Variants in SVIL observed in about 807,000 individuals in gnomAD.
SVIL encodes the protein archvillin.
A neutral mutation model predicts 240.4 loss-of-function variants in SVIL; 101 were observed. The ratio of observed to expected loss-of-function variants is 0.42; its 90% confidence interval spans 0.36 to 0.50. SVIL has a LOEUF of 0.50. Ranked by LOEUF, SVIL falls within the 20% of genes least tolerant of loss-of-function variation. The pLI, the probability that SVIL is intolerant of heterozygous loss-of-function variation, is 0.01. For synonymous variants in SVIL, 999 were observed against 1,100.0 expected, an observed-to-expected ratio of 0.91 and a Z score of 1.82; for missense variants, 2,512 against 2,818.7, an observed-to-expected ratio of 0.89 and a Z score of 2.46.
chr10:29,625,479 T>G (rs1052032272), intron 1 of SVIL, among the ~76,000 whole-genome samples: 5 of 152,180 alleles, frequency 3.3e-5, no homozygotes, highest in African/African-American at 1.2e-4. Context: ...TTTCCTTTTT[T>G]TTGAGACGGA....
intron 1 of SVIL, among the ~76,000 whole-genome samples, chr10:29,572,432 G>A (rs528038484): frequency 6.6e-6 from 1 of 152,258 alleles, no homozygotes; most frequent in Admixed American, 6.5e-5. Context: ...GGGAGGAGAA[G>A]AGGAAGGAGA....
At chr10:29,535,120 A>AT (rs1300874627) in intron 7 of SVIL, among the ~76,000 whole-genome samples, 6 of 151,874 alleles carry the variant, frequency 4.0e-5, no homozygotes, top group South Asian at 2.1e-4. Context: ...ACTCCTATAT[A>AT]TTTTTTTTAA....
chr10:29,640,159 A>G (rs1431003537), intron 3 of SVIL, among the ~76,000 whole-genome samples: 1 of 151,902 alleles, frequency 6.6e-6, no homozygotes, highest in Non-Finnish European at 1.5e-5. Context: ...CCCCAGCCCC[A>G]TGTGCTTCCC....
intron 1 of SVIL, among the ~76,000 whole-genome samples, chr10:29,606,409 C>A (rs1957023998): frequency 6.6e-6 from 1 of 152,166 alleles, no homozygotes; most frequent in Non-Finnish European, 1.5e-5. Context: ...AATAAACTGG[C>A]ATATACCCCC....
intron 32 of SVIL, 21 bp downstream of exon 32, chr10:29,470,255 C>T (rs376745720): frequency 1.3e-4 from 212 of 1,613,746 alleles, no homozygotes; most frequent in African/African-American, 3.3e-4. Context: ...TGGGGGGACT[C>T]GCCGCAGACA....
At position 29,458,601 on chromosome 10, in the gene SVIL, G is replaced by A. The variant is rs767193520; in HGVS notation, c.6403-12C>T. On this transcript the variant is annotated splice_polypyrimidine_tract_variant and intron_variant, in intron 36 of 37. Coordinates refer to ENST00000355867, the MANE Select transcript of SVIL (RefSeq NM_021738.3). Reference sequence around the variant, plus strand: ...GAAACTTCCGTGTCCTAGAGAAGAGGAGGGGGCAGAGAGGAGAGCTCGTGT... The same window carrying A: ...GAAACTTCCGTGTCCTAGAGAAGAGAAGGGGGCAGAGAGGAGAGCTCGTGT... 2.5e-6 allele frequency: 4 copies of A among 1,611,138 alleles called. No individual in the cohort carries two copies. The African/African-American group carries it at 5.4e-5, about 22-fold the overall frequency.
chr10:29,530,780 C>T (rs561823399), intron 10 of SVIL, 112 bp from the exon 11 acceptor site: 3 of 1,149,602 alleles, frequency 2.6e-6, no homozygotes, highest in Non-Finnish European at 3.9e-6. Context: ...AATAGGTGCA[C>T]TAAAATAATA....
At position 29,533,171 on chromosome 10, in the gene SVIL, T is replaced by G; in HGVS notation, c.1196A>C (p.Gln399Pro). The change falls in exon 8 of 38, where the codon CAG (glutamine) becomes CCG (proline). Residue 399 changes from glutamine (Q) to proline (P), a missense_variant. Physicochemically the swap from Gln to Pro is moderately conservative, Grantham distance 76 (BLOSUM62 -1). Around this residue, in one of 3 missense-constraint regions of SVIL, gnomAD observed 1,443 missense variants for 1,486.6 expected, o/e 0.97. Coordinates refer to ENST00000355867, the MANE Select transcript of SVIL (RefSeq NM_021738.3). ...CAAGCTGGGAGGTTTGGGGACATTC[T>G]GGGTGGCTGATGCTACCCAGCTACA... is the stretch of plus-strand genomic sequence containing the variant. ...SECSWVASATQNVPKPPSLTV... is the reference protein window; with the variant it reads ...SECSWVASATPNVPKPPSLTV... 1 of 1,614,206 alleles carries G rather than the reference T, an allele frequency of 6.2e-7. No homozygotes were observed. The highest frequency in any genetic ancestry group is 8.5e-7 in the Non-Finnish European group (1 of 1,180,038).
chr10:29,724,972 T>G (rs1964205830), intron 1 of SVIL, among the ~76,000 whole-genome samples: 1 of 131,802 alleles, frequency 7.6e-6, no homozygotes, highest in Non-Finnish European at 1.5e-5. Context: ...GAGGTTGCGG[T>G]GAGCCAAGAT....
intron 1 of SVIL, among the ~76,000 whole-genome samples, chr10:29,617,602 A>T (rs1247416): frequency 0.079 from 11,991 of 151,832 alleles, 693 homozygotes; most frequent in Admixed American, 0.13. Flanking sequence ...GAAAGAAAGA[A>T]AAAAAAAGAG....
intron 3 of SVIL, among the ~76,000 whole-genome samples, chr10:29,645,652 T>G (rs573186221): frequency 2.3e-4 from 35 of 152,238 alleles, no homozygotes; most frequent in Non-Finnish European, 4.9e-4. Flanking sequence ...AATAAAAAAT[T>G]ATTAGACAGT....
At chr10:29,499,067 C>G (rs145057633) in intron 18 of SVIL, 49 bp downstream of exon 18, 1 of 1,595,076 alleles carries the variant, frequency 6.3e-7, no homozygotes, top group Admixed American at 1.7e-5. Context: ...AGTGTGCTCA[C>G]GTGTGTGCAT....
chr10:29,488,621 A>G lies in SVIL; in HGVS notation c.4328T>C (p.Leu1443Pro). Residue 1443 changes from leucine to proline, a missense_variant, in exon 23 of 38, where the codon CTG (leucine) becomes CCG (proline). Leu to Pro is a moderately conservative substitution (Grantham distance 98). This residue lies in a region of SVIL where 272 missense variants were observed against 406.8 expected (regional missense o/e 0.67). Transcript: ENST00000355867. ...AATACCTTTAATCTGCAACAGCATC[A>G]GCCTCTTGTAGGGCACGGCGCTGTT... ...SNNSAVPYKR[L>P]MLLQIKGRRH... 6.2e-7 allele frequency: 1 copy of G among 1,602,998 alleles called. No individual in the cohort carries two copies. The highest frequency in any genetic ancestry group is 8.5e-7 in the Non-Finnish European group (1 of 1,176,618).
chr10:29,508,661 C>T, intron 17 of SVIL: 1 of 342,426 alleles, frequency 2.9e-6, no homozygotes, highest in Non-Finnish European at 5.8e-6. Context: ...TCTGGAATTT[C>T]AATGGCAGCA....
rs548422749 is a variant in SVIL, at chr10:29,695,002, C to T, written c.-399-8351G>A. On this transcript the variant is annotated intron_variant, in intron 1 of 35. Coordinates refer to the SVIL transcript ENST00000375400. ...CATTCTGCATGCCTCGCACAATGCA[C>T]GGTACTTCTGAGGGCAGAAATTCGG... Among the ~76,000 whole-genome samples, 8 of 152,216 alleles carry T rather than the reference C, an allele frequency of 5.3e-5. No homozygotes were observed. In the East Asian group the frequency reaches 1.6e-3, roughly 29 times the overall value.
intron 1 of SVIL, among the ~76,000 whole-genome samples, chr10:29,620,204 T>C (rs1957579905): frequency 6.6e-6 from 1 of 152,048 alleles, no homozygotes; most frequent in South Asian, 2.1e-4. Flanking sequence ...CATAGCCATG[T>C]TGTTATGTCT....
intron 18 of SVIL, among the ~76,000 whole-genome samples, chr10:29,498,088 C>CAAAAAAA (rs34280398): frequency 9.8e-3 from 366 of 37,168 alleles, no homozygotes; most frequent in Non-Finnish European, 0.017. Flanking sequence ...TCCCCTCCAC[C>CAAAAAAA]AAAAAAAAAA....
intron 1 of SVIL, among the ~76,000 whole-genome samples, chr10:29,705,742 G>A (rs572500016): frequency 3.4e-4 from 51 of 152,212 alleles, no homozygotes; most frequent in Non-Finnish European, 6.2e-4. Flanking sequence ...GTGGTGTTTG[G>A]TTTTCTGTTC....
rs1962458068 is a variant in SVIL, at chr10:29,700,758, T to TCA, written c.-399-14109_-399-14108dup. Among the ~76,000 whole-genome samples, 2 of 151,942 alleles carry TCA rather than the reference T, an allele frequency of 1.3e-5. 1 individual carries two copies. The highest frequency in any genetic ancestry group is 4.2e-4 in the South Asian group (2 of 4,812). On this transcript the variant is annotated intron_variant, in intron 1 of 35. Coordinates refer to the SVIL transcript ENST00000375400. ...AAAGTGCTGGGATTACAGGCGTGAGTCACTGCGCCTGGCCACTATTTCCAT... is the reference window on the plus strand; with the variant it reads ...AAAGTGCTGGGATTACAGGCGTGAGTCACACTGCGCCTGGCCACTATTTCCAT...
Sources: gnomAD v4.1 joint callset for allele counts (sites outside exome capture counted in the v4.1 genomes callset) on GRCh38, gnomAD v4.1.1 for gene constraint, gnomAD v4.1.1 regional missense constraint, MANE v1.5 for transcripts, NCBI Gene and HGNC (gene_info 2026-07-23, HGNC 2026-07-21) for gene names.